KIRREL3: variants seen among roughly 807,000 people sequenced by gnomAD.
KIRREL3 encodes kin of IRRE-like protein 3.
KIRREL3 carries 36 observed loss-of-function variants against 89.7 expected under a neutral mutation model. The observed-to-expected ratio is 0.40, with a 90% confidence interval of 0.31 to 0.53. The LOEUF (loss-of-function observed/expected upper bound fraction) is 0.53, where lower values mean the gene tolerates loss of function less well. Among genes scored for constraint, KIRREL3 ranks in the 20% least tolerant of loss-of-function variants. The probability of loss-of-function intolerance (pLI) is 0.49; values close to 1 mark genes in which losing one functional copy is unlikely to be tolerated. For missense variants in KIRREL3, 864 were observed against 1,056.6 expected, an observed-to-expected ratio of 0.82 and a Z score of 2.53; for synonymous variants, 445 against 441.4, an observed-to-expected ratio of 1.01 and a Z score of -0.10.
Position 126,473,289 on chromosome 11 carries a change from C to A in KIRREL3, c.591+20G>T, listed in dbSNP as rs747204542. The A allele has an allele frequency of 1.6e-6, 2 of 1,276,194 alleles. No individual in the cohort carries two copies. Among genetic ancestry groups the A allele is most frequent in the East Asian group, 6.1e-5 (2 of 32,834 alleles). 79.1% of individuals were successfully genotyped at this position (1,276,194 alleles called of 1,614,324 possible). ...CCCTTGAAGCCCGTCCACACCCACC[C>A]CCTCCCCTCCAGGCCTCACCTTGGA... On this transcript the variant is annotated intron_variant, in intron 5 of 16. Coordinates refer to ENST00000525144, the MANE Select transcript of KIRREL3 (RefSeq NM_032531.4).
At chr11:126,832,936 T>A (rs2134494034) in intron 1 of KIRREL3, among the ~76,000 whole-genome samples, 1 of 152,304 alleles carries the variant, frequency 6.6e-6, no homozygotes, top group East Asian at 1.9e-4. Context: ...CAAGCTATGT[T>A]AAAATAACGT....
intron 1 of KIRREL3, among the ~76,000 whole-genome samples, chr11:126,616,919 G>A (rs1943377946): frequency 6.6e-6 from 1 of 152,240 alleles, no homozygotes; most frequent in African/African-American, 2.4e-5. Context: ...TGGGATTACA[G>A]GTGTGAGCCA....
intron 1 of KIRREL3, among the ~76,000 whole-genome samples, chr11:126,592,432 G>A (rs1942181965): frequency 6.6e-6 from 1 of 152,208 alleles, no homozygotes; most frequent in Non-Finnish European, 1.5e-5. Context: ...AAGTTACATA[G>A]CTAAGAAAGT....
At position 126,640,351 on chromosome 11, in the gene KIRREL3, C is replaced by T. The variant is rs576015736; in HGVS notation, c.56-77439G>A. On this transcript the variant is annotated intron_variant, in intron 1 of 16. Coordinates refer to ENST00000525144, the MANE Select transcript of KIRREL3 (RefSeq NM_032531.4). The surrounding 1 kb of genome is among the most constrained non-coding windows in gnomAD (Gnocchi z 4.9). ...TGAACACAACACACACACAGACGCG[C>T]GTGTGCGCGCGCACACACACGCACA... is the stretch of plus-strand genomic sequence containing the variant. Among the ~76,000 whole-genome samples the T allele has an allele frequency of 2.6e-5, 4 of 152,192 alleles. No individual in the cohort carries two copies. The highest frequency in any genetic ancestry group is 4.1e-4 in the South Asian group (2 of 4,820).
rs1406080099 is a variant in KIRREL3, at chr11:126,676,896, TG to T, written c.56-113985del. ...ATCTCCCAGGCTCAAGCGGTCGTCC[TG>T]CCTAAACCTCCCGAGTAGCTGGGAC... On this transcript the variant is annotated intron_variant, in intron 1 of 16. Transcript: ENST00000525144. The surrounding 1 kb of genome is among the most constrained non-coding windows in gnomAD (Gnocchi z 4.5). Among the ~76,000 whole-genome samples the T allele has an allele frequency of 1.3e-5, 2 of 152,008 alleles. No homozygotes were observed. Among genetic ancestry groups the T allele is most frequent in the African/African-American group, 2.4e-5 (1 of 41,386 alleles).
rs1947859679 is a variant in KIRREL3 at position 126,713,983 on chromosome 11, G to A, written c.56-151071C>T. Among the ~76,000 whole-genome samples, 2 of 152,168 alleles carry A rather than the reference G, an allele frequency of 1.3e-5. 1 individual carries two copies. Among genetic ancestry groups the A allele is most frequent in the African/African-American group, 4.8e-5 (2 of 41,444 alleles). ...TGATTCCCTGACTGTTTTTGTAAAG[G>A]AGGTTTTGTTGGAACACAGCCACGC... On this transcript the variant is annotated intron_variant, in intron 1 of 16. Coordinates refer to ENST00000525144, the MANE Select transcript of KIRREL3 (RefSeq NM_032531.4).
intron 1 of KIRREL3, among the ~76,000 whole-genome samples, chr11:126,866,173 G>A (rs1378634704): frequency 5.9e-5 from 9 of 152,220 alleles, no homozygotes; most frequent in African/African-American, 1.9e-4. Flanking sequence ...GAGGGAGGCC[G>A]ACTGGGTTTT....
intron 1 of KIRREL3, among the ~76,000 whole-genome samples, chr11:126,854,314 T>C (rs1032223042): frequency 2.0e-5 from 3 of 152,202 alleles, no homozygotes; most frequent in Non-Finnish European, 2.9e-5. Flanking sequence ...ATTCATATTA[T>C]TATGCAGTAT....
In KIRREL3 at chr11:126,486,674, G is replaced by C. The variant is rs1957368569; in HGVS notation, c.434-13208C>G. ...GCCCTTGCAGTAGCCTTATTTCATA[G>C]GTGGGTAAACTGAGGCATAGGCTGG... is the stretch of plus-strand genomic sequence containing the variant. On this transcript the variant is annotated intron_variant, in intron 4 of 16. Coordinates refer to ENST00000525144, the MANE Select transcript of KIRREL3 (RefSeq NM_032531.4). This position sits in a 1 kb window ranked among gnomAD's most constrained non-coding sequence, Gnocchi z 6.2. 6.6e-6 allele frequency among the ~76,000 whole-genome samples: 1 copy of C among 152,190 alleles called. No homozygotes were observed. Among genetic ancestry groups the C allele is most frequent in the Non-Finnish European group, 1.5e-5 (1 of 68,030 alleles).
At chr11:126,863,135 C>T (rs1216273231) in intron 1 of KIRREL3, among the ~76,000 whole-genome samples, 3 of 152,350 alleles carry the variant, frequency 2.0e-5, no homozygotes, top group Middle Eastern at 3.4e-3. Flanking sequence ...GCCTGCTTCC[C>T]CCACATGAAA....
intron 1 of KIRREL3, among the ~76,000 whole-genome samples, chr11:126,671,117 T>G (rs1179922423): frequency 6.6e-6 from 1 of 152,082 alleles, no homozygotes; most frequent in African/African-American, 2.4e-5. Flanking sequence ...CTTACATCCT[T>G]CATAAAAAAT....
At chr11:126,831,392 C>G (rs997307828) in intron 1 of KIRREL3, among the ~76,000 whole-genome samples, 3 of 150,308 alleles carry the variant, frequency 2.0e-5, no homozygotes. Flanking sequence ...CTCTCTTTCT[C>G]TCTCTTAAGT....
At position 126,883,037 on chromosome 11, in the gene KIRREL3, G is replaced by A. The variant is rs936929574; in HGVS notation, c.55+117418C>T. On this transcript the variant is annotated intron_variant, in intron 1 of 16. Coordinates refer to ENST00000525144, the MANE Select transcript of KIRREL3 (RefSeq NM_032531.4). The surrounding 1 kb of genome is among the most constrained non-coding windows in gnomAD (Gnocchi z 4.1). ...TTCAATGGATGTGCATGATTCTTCCGTTGTAGCAAATATCATTGTAGTAAA... is the reference window on the plus strand; with the variant it reads ...TTCAATGGATGTGCATGATTCTTCCATTGTAGCAAATATCATTGTAGTAAA... Among the ~76,000 whole-genome samples the A allele has an allele frequency of 3.9e-5, 6 of 152,170 alleles. No individual in the cohort carries two copies. Among genetic ancestry groups the A allele is most frequent in the African/African-American group, 9.7e-5 (4 of 41,446 alleles).
At chr11:126,470,074 C>T (rs181972876) in intron 5 of KIRREL3, among the ~76,000 whole-genome samples, 1 of 152,370 alleles carries the variant, frequency 6.6e-6, no homozygotes, top group Non-Finnish European at 1.5e-5. Context: ...GTACCAGGCT[C>T]TCCGAGGGGC....
chr11:126,617,056 C>T (rs1169005728), intron 1 of KIRREL3, among the ~76,000 whole-genome samples: 1 of 152,228 alleles, frequency 6.6e-6, no homozygotes, highest in African/African-American at 2.4e-5. Context: ...TCCATCAGAG[C>T]AGGCAGGTTG....
rs1454740339 is a variant in KIRREL3 at position 126,739,502 on chromosome 11, G to A, written c.56-176590C>T. Reference sequence around the variant, plus strand: ...GTGCCAGGTGCAGGTAGCGTCATGTGCCCTACCTGGGTCTTAAGGAATGAT... The same window carrying A: ...GTGCCAGGTGCAGGTAGCGTCATGTACCCTACCTGGGTCTTAAGGAATGAT... On this transcript the variant is annotated intron_variant, in intron 1 of 16. Transcript: ENST00000525144. This position sits in a 1 kb window ranked among gnomAD's most constrained non-coding sequence, Gnocchi z 5.5. 6.6e-6 allele frequency among the ~76,000 whole-genome samples: 1 copy of A among 152,204 alleles called. No individual in the cohort carries two copies. Among genetic ancestry groups the A allele is most frequent in the Non-Finnish European group, 1.5e-5 (1 of 68,038 alleles).
intron 1 of KIRREL3, among the ~76,000 whole-genome samples, chr11:126,596,683 G>A (rs1942413588): frequency 1.3e-5 from 2 of 152,312 alleles, no homozygotes; most frequent in Non-Finnish European, 2.9e-5. Context: ...TCTCTGTGTG[G>A]AGCTCTACAT....
intron 1 of KIRREL3, among the ~76,000 whole-genome samples, chr11:126,658,588 A>G (rs1037241235): frequency 6.6e-6 from 1 of 152,214 alleles, no homozygotes; most frequent in Non-Finnish European, 1.5e-5. Flanking sequence ...TTGATCTTTT[A>G]TACTTTGCCA....
chr11:126,437,845 T>C (rs1444317534), intron 11 of KIRREL3, among the ~76,000 whole-genome samples: 2 of 152,054 alleles, frequency 1.3e-5, no homozygotes, highest in African/African-American at 4.8e-5. Flanking sequence ...ACATTCGCCA[T>C]ACACACCATC....
Sources: allele counts gnomAD v4.1 joint callset (sites outside exome capture counted in the v4.1 genomes callset), GRCh38; gene constraint gnomAD v4.1.1; non-coding constraint Gnocchi (gnomAD v3.1); transcripts MANE v1.5; gene names NCBI Gene and HGNC (gene_info 2026-07-23, HGNC 2026-07-21).